Variants in SRPRB observed in about 807,000 individuals in gnomAD.
SRPRB encodes the protein signal recognition particle receptor subunit beta.
Under a neutral mutation model 31.9 loss-of-function variants are expected in SRPRB, and 20 were observed. The ratio of observed to expected loss-of-function variants is 0.63; its 90% CI spans 0.44 to 0.91. SRPRB has a LOEUF of 0.91. Ranked by LOEUF, SRPRB falls within the 40% of genes least tolerant of loss-of-function variation. SRPRB has a pLI of 0.00. For synonymous variants in SRPRB, 146 were observed against 132.8 expected, an observed-to-expected ratio of 1.10 and a Z score of -0.68; for missense variants, 321 against 324.9, an observed-to-expected ratio of 0.99 and a Z score of 0.09.
chr3:133,804,859 T>C (rs1360430614), upstream of SRPRB, among the ~76,000 whole-genome samples: 1 of 152,236 alleles, frequency 6.6e-6, no homozygotes, highest in Non-Finnish European at 1.5e-5. Context: ...TACAATTAAA[T>C]TAAATAATGT....
chr3:133,805,679 G>A, upstream of SRPRB: 1 of 728,216 alleles, frequency 1.4e-6, no homozygotes, highest in Admixed American at 3.7e-5. Context: ...TCTGTAGGAG[G>A]ACGGAGTCCC....
chr3:133,813,717 T>C (rs1935314403), intron 4 of SRPRB, among the ~76,000 whole-genome samples: 1 of 152,254 alleles, frequency 6.6e-6, no homozygotes. Context: ...ATAATTATTT[T>C]ATTCTGTGCC....
intron 4 of SRPRB, 117 bp downstream of exon 4, chr3:133,811,316 T>G (rs990662877): frequency 3.0e-6 from 3 of 1,012,472 alleles, no homozygotes; most frequent in Non-Finnish European, 2.9e-6. Context: ...TGGTAGACCT[T>G]GAGGTGACCT....
At chr3:133,822,743 G>A (rs942304070), downstream of SRPRB, among the ~76,000 whole-genome samples, 2 of 152,160 alleles carry the variant, frequency 1.3e-5, no homozygotes, top group African/African-American at 4.8e-5. Flanking sequence ...AGCTTCAGTT[G>A]GCTCATGCCT....
chr3:133,813,923 G>A (rs73217233), intron 4 of SRPRB, among the ~76,000 whole-genome samples: 19,888 of 152,192 alleles, frequency 0.13, 1,881 homozygotes, highest in East Asian at 0.43. Context: ...CACCTGGAGA[G>A]AGTATAAATT....
At chr3:133,804,901 G>A (rs931731706), upstream of SRPRB, among the ~76,000 whole-genome samples, 4 of 152,168 alleles carry the variant, frequency 2.6e-5, no homozygotes, top group South Asian at 6.2e-4. Context: ...GCTGTTTAAT[G>A]ACAGAGACTG....
chr3:133,801,553 A>C (rs1404359619), upstream of SRPRB, among the ~76,000 whole-genome samples: 1 of 152,180 alleles, frequency 6.6e-6, no homozygotes, highest in Non-Finnish European at 1.5e-5. Context: ...AGCCCTCTTC[A>C]TTCACATAGC....
chr3:133,788,827 T>C (rs1934757775), intron 1 of SRPRB: 1 of 152,266 alleles, frequency 6.6e-6, no homozygotes, highest in Non-Finnish European at 1.5e-5. Context: ...CTTGCATGTG[T>C]TTCAGGCGAC....
At chr3:133,801,439 G>T (rs1576379072), upstream of SRPRB, among the ~76,000 whole-genome samples, 1 of 152,174 alleles carries the variant, frequency 6.6e-6, no homozygotes, top group South Asian at 2.1e-4. Flanking sequence ...TTCTCACTGA[G>T]TGTGGGAGCT....
intron 1 of SRPRB, chr3:133,790,240 T>C (rs1371383891): frequency 6.6e-6 from 1 of 152,198 alleles, no homozygotes; most frequent in Admixed American, 6.5e-5. Context: ...TGGGGAAATA[T>C]GTTTCTAAAA....
At chr3:133,786,240 A>AG (rs397786949) in intron 1 of SRPRB, 2 of 149,196 alleles carry the variant, frequency 1.3e-5, no homozygotes, top group Non-Finnish European at 2.9e-5. Context: ...AAAAAAAAAA[A>AG]CAATACTATT....
intron 1 of SRPRB, among the ~76,000 whole-genome samples, chr3:133,799,665 G>T (rs1935033693): frequency 6.6e-6 from 1 of 152,026 alleles, no homozygotes. Flanking sequence ...GCAGTTCCTG[G>T]TATTATGCAA....
chr3:133,798,126 C>T (rs62280615), intron 1 of SRPRB, among the ~76,000 whole-genome samples: 147 of 152,172 alleles, frequency 9.7e-4, no homozygotes, highest in Middle Eastern at 3.4e-3. Context: ...GTAGAGCTAG[C>T]GAATTAGCCA....
At chr3:133,805,687 C>A, upstream of SRPRB, 1 of 809,462 alleles carries the variant, frequency 1.2e-6, no homozygotes, top group Non-Finnish European at 1.8e-6. Flanking sequence ...AGGACGGAGT[C>A]CCAGAGAACT....
chr3:133,804,481 A>G (rs1935114657), upstream of SRPRB, among the ~76,000 whole-genome samples: 1 of 152,252 alleles, frequency 6.6e-6, no homozygotes, highest in South Asian at 2.1e-4. Flanking sequence ...GTCAGATTCC[A>G]TAATTGTTTT....
At chr3:133,786,908 C>T (rs1297684330) in intron 1 of SRPRB, 3 of 152,162 alleles carry the variant, frequency 2.0e-5, no homozygotes, top group Non-Finnish European at 4.4e-5. Context: ...AAAATATCAC[C>T]TTGTAAATAT....
rs570715036 is a variant in SRPRB, at chr3:133,818,235, G to T, written c.602+1303G>T. Among the ~76,000 whole-genome samples the T allele has an allele frequency of 5.3e-5, 8 of 152,318 alleles. No individual in the cohort carries two copies. In the South Asian group the frequency reaches 1.5e-3, roughly 28 times the overall value. Reference sequence around the variant, plus strand: ...AGCCAAAACTGTCATAATGTTATTTGTGAATCAGTCTTGGGTTATTTTTAA... The same window carrying T: ...AGCCAAAACTGTCATAATGTTATTTTTGAATCAGTCTTGGGTTATTTTTAA... On this transcript the variant is annotated intron_variant, in intron 6 of 6. Transcript: ENST00000678299.
upstream of SRPRB, among the ~76,000 whole-genome samples, chr3:133,803,327 A>G (rs577959707): frequency 4.3e-4 from 66 of 152,208 alleles, no homozygotes; most frequent in Non-Finnish European, 8.1e-4. Context: ...CAAACTCTTA[A>G]GTTCCTCAAC....
rs1935380617 is a variant in SRPRB, at chr3:133,817,038, T to C, written c.602+106T>C. The C allele has an allele frequency of 3.7e-6, 3 of 820,960 alleles. No homozygotes were observed. The South Asian group carries it at 8.7e-5, about 24-fold the overall frequency. 50.9% of individuals were successfully genotyped at this position (820,960 alleles called of 1,614,324 possible). A position where few individuals can be genotyped will look rare whatever the true frequency, so the allele number is the denominator to read the frequency against. On this transcript the variant is annotated intron_variant, in intron 6 of 6. Transcript: ENST00000678299. ...TGGTTTTATGTGATTATCACAATTA[T>C]AGACTGAAGATTAGTGTGATAAATA...
Sources: allele counts gnomAD v4.1 joint callset (sites outside exome capture counted in the v4.1 genomes callset), GRCh38; gene constraint gnomAD v4.1.1; transcripts MANE v1.5; gene names NCBI Gene and HGNC (gene_info 2026-07-23, HGNC 2026-07-21).